Variants in DPYSL3 observed in about 807,000 individuals in gnomAD.
DPYSL3 encodes the protein dihydropyrimidinase like 3.
DPYSL3 carries 16 observed loss-of-function variants against 66.1 expected under a neutral mutation model. The ratio of observed to expected loss-of-function variants is 0.24; its 90% CI spans 0.16 to 0.37. The LOEUF is 0.37. Among genes scored for constraint, DPYSL3 ranks in the 10% least tolerant of loss-of-function variants. The pLI is 1.00. For synonymous variants in DPYSL3, 338 were observed against 345.1 expected, an observed-to-expected ratio of 0.98 and a Z score of 0.23; for missense variants, 738 against 916.2, an observed-to-expected ratio of 0.81 and a Z score of 2.51.
At chr5:147,503,119 T>C (rs1048956308) in intron 1 of DPYSL3, among the ~76,000 whole-genome samples, 1 of 152,182 alleles carries the variant, frequency 6.6e-6, no homozygotes, top group Non-Finnish European at 1.5e-5. Flanking sequence ...AATGGACTCA[T>C]TAATGACTAA....
intron 1 of DPYSL3, among the ~76,000 whole-genome samples, chr5:147,429,740 G>C (rs754010619): frequency 6.6e-6 from 1 of 152,028 alleles, no homozygotes; most frequent in Admixed American, 6.6e-5. Flanking sequence ...CTAGGACACC[G>C]TACCAAGTGT....
chr5:147,454,444 G>C (rs985931602), intron 1 of DPYSL3, among the ~76,000 whole-genome samples: 3 of 152,214 alleles, frequency 2.0e-5, no homozygotes, highest in Non-Finnish European at 4.4e-5. Flanking sequence ...CGCTCTCAGA[G>C]GCTGCAAGGG....
In DPYSL3 at chr5:147,415,735, T is replaced by C. The variant is rs1289392855; in HGVS notation, c.794A>G (p.Glu265Gly). The stretch of plus-strand genomic sequence containing the variant: ...TTTGTCCTTGATGAGGTTCTGCACT[T>C]CCTGCTTGACGCTGTCATTCCAGTG... ...ITHWNDSVKQ[E>G]VQNLIKDKGV... Residue 265 changes from glutamate to glycine, a missense_variant, in exon 4 of 14, where the codon GAA (glutamate) becomes GGA (glycine). Transcript: ENST00000343218. 15 of 1,613,950 alleles carry C rather than the reference T, an allele frequency of 9.3e-6. No homozygotes were observed. Among genetic ancestry groups the C allele is most frequent in the Non-Finnish European group, 1.2e-5 (14 of 1,179,984 alleles).
chr5:147,449,728 G>A (rs189054914), intron 1 of DPYSL3, among the ~76,000 whole-genome samples: 2 of 152,308 alleles, frequency 1.3e-5, no homozygotes, highest in Admixed American at 6.5e-5. Flanking sequence ...ATTATCTGTG[G>A]AGGTTCTAAT....
At chr5:147,488,577 A>G (rs1342981828) in intron 1 of DPYSL3, among the ~76,000 whole-genome samples, 1 of 152,210 alleles carries the variant, frequency 6.6e-6, no homozygotes, top group East Asian at 1.9e-4. Context: ...ATTAGCCTGC[A>G]TGGTGGTGCA....
intron 1 of DPYSL3, among the ~76,000 whole-genome samples, chr5:147,497,388 C>T (rs1253887226): frequency 6.6e-6 from 1 of 151,898 alleles, no homozygotes; most frequent in Non-Finnish European, 1.5e-5. Flanking sequence ...TACCCTAAAA[C>T]TTAAAGTATA....
chr5:147,495,568 A>G (rs1426648411), intron 1 of DPYSL3, among the ~76,000 whole-genome samples: 3 of 152,204 alleles, frequency 2.0e-5, no homozygotes, highest in Non-Finnish European at 4.4e-5. Flanking sequence ...TACAAAATCA[A>G]TGTACAAAAA....
At chr5:147,469,646 T>C (rs1157324691) in intron 1 of DPYSL3, among the ~76,000 whole-genome samples, 1 of 152,056 alleles carries the variant, frequency 6.6e-6, no homozygotes, top group Non-Finnish European at 1.5e-5. Context: ...CTCCAAAAAT[T>C]CCATGGATAT....
At chr5:147,401,865 C>A in intron 8 of DPYSL3, 169 bp from the exon 9 acceptor site, 1 of 665,570 alleles carries the variant, frequency 1.5e-6, no homozygotes, top group Non-Finnish European at 2.3e-6. Context: ...TTCCTATCTG[C>A]TAAATGTGAC....
chr5:147,491,096 C>A (rs1214784574), intron 1 of DPYSL3, among the ~76,000 whole-genome samples: 1 of 152,198 alleles, frequency 6.6e-6, no homozygotes, highest in Non-Finnish European at 1.5e-5. Flanking sequence ...CAGAGCCTAA[C>A]CTACTTGGAG....
At chr5:147,445,505 A>G (rs1163693033) in intron 1 of DPYSL3, among the ~76,000 whole-genome samples, 1 of 152,230 alleles carries the variant, frequency 6.6e-6, no homozygotes, top group African/African-American at 2.4e-5. Context: ...CCACTCATTC[A>G]GCAAATACAG....
chr5:147,452,087 G>C (rs1752739768), intron 1 of DPYSL3, among the ~76,000 whole-genome samples: 1 of 152,196 alleles, frequency 6.6e-6, no homozygotes, highest in Admixed American at 6.5e-5. Context: ...CTGGGAAGCT[G>C]GTAGGGGTGG....
chr5:147,488,852 T>C (rs1753374000), intron 1 of DPYSL3, among the ~76,000 whole-genome samples: 1 of 151,826 alleles, frequency 6.6e-6, no homozygotes, highest in African/African-American at 2.4e-5. Context: ...CTGTCTCTAC[T>C]AAAAATACAA....
chr5:147,452,541 T>C (rs1752751910), intron 1 of DPYSL3, among the ~76,000 whole-genome samples: 1 of 152,062 alleles, frequency 6.6e-6, no homozygotes, highest in South Asian at 2.1e-4. Flanking sequence ...AGTTTTTATT[T>C]ATTCTATTTT....
chr5:147,440,234 C>T (rs1306667520), intron 1 of DPYSL3, among the ~76,000 whole-genome samples: 5 of 152,082 alleles, frequency 3.3e-5, no homozygotes, highest in South Asian at 2.1e-4. Flanking sequence ...ACCTGGGAGG[C>T]GGAGCTTGCA....
chr5:147,463,191 C>A (rs1386947718), intron 1 of DPYSL3, among the ~76,000 whole-genome samples: 1 of 152,038 alleles, frequency 6.6e-6, no homozygotes, highest in East Asian at 1.9e-4. Context: ...TTATGACCAG[C>A]TGATAGAGAA....
At chr5:147,394,367 GATA>G (rs1757908531) in intron 13 of DPYSL3, among the ~76,000 whole-genome samples, 1 of 152,284 alleles carries the variant, frequency 6.6e-6, no homozygotes, top group African/African-American at 2.4e-5. Context: ...CCCAGAGCAT[GATA>G]ATAATACTGG....
intron 1 of DPYSL3, among the ~76,000 whole-genome samples, chr5:147,508,554 G>C (rs1393363029): frequency 2.0e-5 from 3 of 152,130 alleles, no homozygotes; most frequent in Non-Finnish European, 4.4e-5. Flanking sequence ...AGCCCTGCCA[G>C]GCCCTGCATT....
chr5:147,394,684 A>C (rs1561768824), intron 13 of DPYSL3, among the ~76,000 whole-genome samples: 1 of 92,160 alleles, frequency 1.1e-5, no homozygotes, highest in Non-Finnish European at 2.5e-5. Flanking sequence ...AACAACAACA[A>C]AAAAAAAAAG....
Sources: gnomAD v4.1 joint callset for allele counts (sites outside exome capture counted in the v4.1 genomes callset) on GRCh38, gnomAD v4.1.1 for gene constraint, MANE v1.5 for transcripts, NCBI Gene and HGNC (gene_info 2026-07-23, HGNC 2026-07-21) for gene names.